The following ATP13A2 variants were observed in gnomAD, a reference collection of about 807,000 sequenced individuals.
ATP13A2 encodes the protein ATPase cation transporting 13A2.
Under a neutral mutation model 138.3 loss-of-function variants are expected in ATP13A2, and 83 were observed. The ratio of observed to expected loss-of-function variants is 0.60; its 90% CI spans 0.50 to 0.72. The LOEUF is 0.72. Ranked by LOEUF, ATP13A2 falls within the 30% of genes least tolerant of loss-of-function variation. ATP13A2 has a pLI of 0.00. For missense variants in ATP13A2, 1,402 were observed against 1,606.4 expected (o/e 0.87, Z 2.17); for synonymous variants, 663 against 699.0 (o/e 0.95, Z 0.81).
At position 16,988,595 on chromosome 1, in the gene ATP13A2, G is replaced by A. The variant is rs137994414; in HGVS notation, c.2610-121C>T. 5.2e-4 allele frequency: 557 copies of A among 1,063,240 alleles called. 4 individuals carry two copies. In the East Asian group the frequency reaches 6.0e-3, roughly 12 times the overall value. The allele number at this position is 1,063,240 out of a possible 1,614,324, so 65.9% of individuals were successfully genotyped here. ...ACATGGTGCCTGGTGTACAGGAGGC[G>A]CTCAGTGAATAGATGCAATTATTAT... is the stretch of plus-strand genomic sequence containing the variant. On this transcript the variant is annotated intron_variant, in intron 23 of 28. Transcript: ENST00000326735.
rs895866589 is a variant in ATP13A2, at chr1:17,004,890, GC to G, written c.348-70del. 1.2e-5 allele frequency: 20 copies of G among 1,613,152 alleles called. No individual in the cohort carries two copies. Among genetic ancestry groups the G allele is most frequent in the Admixed American group, 1.7e-5 (1 of 59,982 alleles). ...CCTGGCACCTCCCTGTGCTCACAGA[GC>G]CATCTTCCCTCCCTAGGATGGGAGG... On this transcript the variant is annotated intron_variant, in intron 4 of 28. Transcript: ENST00000326735. This position sits in a 1 kb window ranked among gnomAD's most constrained non-coding sequence, Gnocchi z 4.1.
chr1:17,003,801 T>C (rs1235282223), intron 6 of ATP13A2, among the ~76,000 whole-genome samples: 5 of 151,866 alleles, frequency 3.3e-5, no homozygotes, highest in Non-Finnish European at 5.9e-5. Context: ...GTAGCTGGGA[T>C]TACAGGCACA....
chr1:16,997,426 G>GGGGGGGGGGGGA (rs2077178291), intron 11 of ATP13A2, among the ~76,000 whole-genome samples: 1 of 139,276 alleles, frequency 7.2e-6, no homozygotes, highest in Non-Finnish European at 1.5e-5. Flanking sequence ...GGGGGGGGTG[G>GGGGGGGGGGGGA]GTCAGACAGA....
intron 20 of ATP13A2, among the ~76,000 whole-genome samples, chr1:16,990,811 G>A (rs1348360954): frequency 6.6e-6 from 1 of 150,610 alleles, no homozygotes; most frequent in East Asian, 2.0e-4. Context: ...CACGAGCCAT[G>A]TGCCCAGGCT....
chr1:17,005,610 G>A, intron 2 of ATP13A2, 54 bp from the exon 3 acceptor site: 2 of 1,613,722 alleles, frequency 1.2e-6, no homozygotes, highest in South Asian at 2.2e-5. Flanking sequence ...GGCTGGAGTA[G>A]GAAGTTGGGG....
At position 17,011,376 on chromosome 1, in the gene ATP13A2, G is replaced by A. The variant is rs1570928523; in HGVS notation, c.10+353C>T. 2.0e-5 allele frequency among the ~76,000 whole-genome samples: 3 copies of A among 152,174 alleles called. No individual in the cohort carries two copies. Among genetic ancestry groups the A allele is most frequent in the African/African-American group, 7.2e-5 (3 of 41,450 alleles). Reference sequence around the variant, plus strand: ...TCCCCCACCTGGACATCCGTCACTCGGGGTGGGATCCGATTAAGTGGGCGT... The same window carrying A: ...TCCCCCACCTGGACATCCGTCACTCAGGGTGGGATCCGATTAAGTGGGCGT... On this transcript the variant is annotated intron_variant, in intron 1 of 28. Transcript: ENST00000326735. This position sits in a 1 kb window ranked among gnomAD's most constrained non-coding sequence, Gnocchi z 7.3.
intron 23 of ATP13A2, among the ~76,000 whole-genome samples, chr1:16,989,135 T>TTCAA (rs2076835291): frequency 6.6e-6 from 1 of 151,716 alleles, no homozygotes; most frequent in Non-Finnish European, 1.5e-5. Context: ...AGGCTGGTCT[T>TTCAA]GAACTCCTGA....
rs768061511 is a variant in ATP13A2, at chr1:16,996,147, A to C, written c.1371T>G (p.Ile457Met). ...TCACCAGGTCGAGAGCCCGGATTAC[A>C]ATCTCATTCAGAGGCACCTGGCAGG... ...LYRNRVPLNE[I>M]VIRALDLVTV... The change falls in exon 15 of 29, where the codon ATT becomes ATG. Residue 457 changes from isoleucine to methionine, a missense_variant. Transcript: ENST00000326735. 3 of 1,614,140 alleles carry C rather than the reference A, an allele frequency of 1.9e-6. No individual in the cohort carries two copies. The South Asian group carries it at 3.3e-5, about 18-fold the overall frequency.
rs373315947 is a variant in ATP13A2 at position 16,986,789 on chromosome 1, G to A, written c.3235+16C>T. 41 of 1,610,388 alleles carry A rather than the reference G, an allele frequency of 2.5e-5. No homozygotes were observed. Among genetic ancestry groups the A allele is most frequent in the Non-Finnish European group, 3.1e-5 (37 of 1,178,976 alleles). The stretch of plus-strand genomic sequence containing the variant: ...CTCCCTCCGCCAGCATCTCCCGCCC[G>A]CGCCCGCAGTGGCACCATTGGTGTA... On this transcript the variant is annotated intron_variant, in intron 27 of 28. Transcript: ENST00000326735. This position sits in a 1 kb window ranked among gnomAD's most constrained non-coding sequence, Gnocchi z 6.9.
At position 17,002,112 on chromosome 1, in the gene ATP13A2, G is replaced by A. The variant is rs1171600712; in HGVS notation, c.636-9C>T. ...GGCCGTAAATGGCCTTCCTGGAAGA[G>A]GGGATGAGGCCAAGCCATCAGAAGG... On this transcript the variant is annotated splice_polypyrimidine_tract_variant and intron_variant, in intron 7 of 28. Transcript: ENST00000326735. 2.5e-6 allele frequency: 4 copies of A among 1,612,854 alleles called. No individual in the cohort carries two copies. In the Admixed American group the frequency reaches 5.0e-5, roughly 20 times the overall value.
chr1:16,989,354 G>A (rs1031036224), intron 23 of ATP13A2, among the ~76,000 whole-genome samples: 1 of 152,156 alleles, frequency 6.6e-6, no homozygotes, highest in African/African-American at 2.4e-5. Flanking sequence ...TGGGATGACC[G>A]GTGTGTCACC....
At chr1:17,003,585 CCACACA>C (rs540533484) in intron 6 of ATP13A2, among the ~76,000 whole-genome samples, 110 of 133,052 alleles carry the variant, frequency 8.3e-4, no homozygotes, top group South Asian at 3.1e-3. Context: ...ACCAAAAAAA[CCACACA>C]CACACACACA....
intron 1 of ATP13A2, among the ~76,000 whole-genome samples, chr1:17,010,147 A>G (rs868055871): frequency 1.6e-4 from 21 of 129,318 alleles, no homozygotes; most frequent in Middle Eastern, 4.3e-3. Flanking sequence ...GAGAGATCTC[A>G]GCTCACTGCA....
rs780521605 is a variant in ATP13A2 at position 16,995,968 on chromosome 1, G to A, written c.1542+8C>T. ...GCTCCCCTGCACCAACCCCACCTGC[G>A]GCCCCACCTTGTCGAAACACACCAG... On this transcript the variant is annotated splice_region_variant and intron_variant, in intron 15 of 28. Coordinates refer to ENST00000326735, the MANE Select transcript of ATP13A2 (RefSeq NM_022089.4). This position sits in a 1 kb window ranked among gnomAD's most constrained non-coding sequence, Gnocchi z 4.1. 37 of 1,613,710 alleles carry A rather than the reference G, an allele frequency of 2.3e-5. No individual in the cohort carries two copies. The highest frequency in any genetic ancestry group is 2.5e-5 in the Non-Finnish European group (29 of 1,180,036).
chr1:17,002,476 C>T (rs971289101), intron 6 of ATP13A2, 103 bp from the exon 7 acceptor site: 30 of 1,352,954 alleles, frequency 2.2e-5, no homozygotes, highest in South Asian at 1.4e-4. Flanking sequence ...CCCCCATCCC[C>T]GTTCTGCCAC....
chr1:16,996,429 G>C lies in ATP13A2; in HGVS notation c.1263C>G (p.Phe421Leu), dbSNP rs780014090. The C allele has an allele frequency of 1.9e-6, 3 of 1,614,138 alleles. No homozygotes were observed. Among genetic ancestry groups the C allele is most frequent in the Non-Finnish European group, 2.5e-6 (3 of 1,180,022 alleles). Residue 421 changes from phenylalanine to leucine, a missense_variant, in exon 13 of 29, where the codon TTC becomes TTG. Coordinates refer to ENST00000326735, the MANE Select transcript of ATP13A2 (RefSeq NM_022089.4). Reference protein sequence around the residue: ...ILHPRPINFKFYKHSMKFVAA... With the variant: ...ILHPRPINFKLYKHSMKFVAA... The stretch of plus-strand genomic sequence containing the variant: ...CCACAAACTTCATGCTGTGTTTATA[G>C]AACTTGAAGTTGATGGGCCGGGGGT...
intron 1 of ATP13A2, among the ~76,000 whole-genome samples, chr1:17,006,165 G>C (rs753945121): frequency 9.9e-5 from 15 of 151,730 alleles, no homozygotes; most frequent in Non-Finnish European, 1.9e-4. Context: ...ACACAAAACA[G>C]TAAGCACCTG....
intron 17 of ATP13A2, 33 bp from the exon 18 acceptor site, chr1:16,992,435 C>G (rs11203279): frequency 1.2e-6 from 2 of 1,613,362 alleles, no homozygotes; most frequent in East Asian, 4.5e-5. Flanking sequence ...GAGGTGCTGG[C>G]TGGGGAGCCC....
At chr1:16,996,995 T>C (rs1243938080) in intron 12 of ATP13A2, 25 bp downstream of exon 12, 1 of 1,607,834 alleles carries the variant, frequency 6.2e-7, no homozygotes, top group Non-Finnish European at 8.5e-7. Context: ...GGGATCTCTC[T>C]CAAGCCCAGC....
Sources: allele counts gnomAD v4.1 joint callset (sites outside exome capture counted in the v4.1 genomes callset), GRCh38; gene constraint gnomAD v4.1.1; non-coding constraint Gnocchi (gnomAD v3.1); transcripts MANE v1.5; gene names NCBI Gene and HGNC (gene_info 2026-07-23, HGNC 2026-07-21).